Variants in PPP1CB observed in about 807,000 individuals in gnomAD.
The protein encoded by PPP1CB is protein phosphatase 1 catalytic subunit beta.
A neutral mutation model predicts 43.7 loss-of-function variants in PPP1CB; 2 were observed. The ratio of observed to expected loss-of-function variants is 0.05; its 90% CI spans 0.02 to 0.14. The LOEUF (loss-of-function observed/expected upper bound fraction) is 0.14. Ranked by LOEUF, PPP1CB falls within the 10% of genes least tolerant of loss-of-function variation. The pLI, the probability that PPP1CB is intolerant of heterozygous loss-of-function variation, is 1.00. For synonymous variants in PPP1CB, 136 were observed against 135.6 expected (o/e 1.00, Z -0.02); for missense variants, 84 against 398.0 (o/e 0.21, Z 6.71).
Position 28,766,460 on chromosome 2 carries a change from CTAAG to C in PPP1CB, c.53-10388_53-10385del, listed in dbSNP as rs1418681359. ...TCTCAGACTTTGTAAAATAGTCCAA[CTAAG>C]TATTTTTCTACTTTACCATCATCAG... On this transcript the variant is annotated intron_variant, in intron 1 of 7. Coordinates refer to ENST00000395366, the MANE Select transcript of PPP1CB (RefSeq NM_002709.3). Among the ~76,000 whole-genome samples the C allele has an allele frequency of 7.9e-5, 12 of 152,324 alleles. No homozygotes were observed. In the South Asian group the frequency reaches 2.5e-3, roughly 32 times the overall value.
intron 3 of PPP1CB, among the ~76,000 whole-genome samples, chr2:28,780,017 G>A (rs551628691): frequency 6.6e-6 from 1 of 152,140 alleles, no homozygotes; most frequent in South Asian, 2.1e-4. Flanking sequence ...GTGAAAAAAG[G>A]CTGTATCAGG....
At chr2:28,759,333 T>C (rs1310164057) in intron 1 of PPP1CB, among the ~76,000 whole-genome samples, 1 of 152,014 alleles carries the variant, frequency 6.6e-6, no homozygotes, top group Admixed American at 6.5e-5. Context: ...CTGGCCAACA[T>C]GGTGAAACCC....
Position 28,776,315 on chromosome 2 carries a change from T to G in PPP1CB, c.53-536T>G, listed in dbSNP as rs530027612. Reference sequence around the variant, plus strand: ...CTCGCTCTTGTTGCCCAGGCTGGAGTGCAATGGGGCGATCTCAGCTCACTG... The same window carrying G: ...CTCGCTCTTGTTGCCCAGGCTGGAGGGCAATGGGGCGATCTCAGCTCACTG... On this transcript the variant is annotated intron_variant, in intron 1 of 7. Transcript: ENST00000395366. Among the ~76,000 whole-genome samples, 4 of 151,776 alleles carry G rather than the reference T, an allele frequency of 2.6e-5. No homozygotes were observed. The East Asian group carries it at 5.8e-4, about 22-fold the overall frequency.
intron 7 of PPP1CB, 122 bp from the exon 8 acceptor site, chr2:28,799,077 C>T: frequency 3.1e-6 from 2 of 648,322 alleles, no homozygotes; most frequent in East Asian, 2.8e-5. Flanking sequence ...TGGAACTTTG[C>T]TATTCTACAT....
intron 1 of PPP1CB, among the ~76,000 whole-genome samples, chr2:28,776,521 A>G (rs1384605341): frequency 1.3e-5 from 2 of 152,064 alleles, no homozygotes; most frequent in African/African-American, 4.8e-5. Context: ...CAACCTCCCA[A>G]GGTGCTGGGA....
At chr2:28,783,672 G>A (rs896863499) in intron 4 of PPP1CB, among the ~76,000 whole-genome samples, 5 of 151,704 alleles carry the variant, frequency 3.3e-5, no homozygotes, top group Admixed American at 6.6e-5. Context: ...CAGGAGAATC[G>A]CTCGAACCCG....
At chr2:28,762,562 G>A (rs1666680798) in intron 1 of PPP1CB, among the ~76,000 whole-genome samples, 1 of 152,266 alleles carries the variant, frequency 6.6e-6, no homozygotes, top group East Asian at 1.9e-4. Flanking sequence ...CTAGATAATT[G>A]TGGGTATTCT....
intron 6 of PPP1CB, among the ~76,000 whole-genome samples, chr2:28,790,808 G>A (rs1667369121): frequency 1.3e-5 from 2 of 152,284 alleles, no homozygotes; most frequent in Admixed American, 6.5e-5. Flanking sequence ...ATAAACAAAT[G>A]TAGCAAAATC....
At chr2:28,756,911 TAC>T (rs1316139778) in intron 1 of PPP1CB, among the ~76,000 whole-genome samples, 1 of 152,200 alleles carries the variant, frequency 6.6e-6, no homozygotes, top group Admixed American at 6.5e-5. Context: ...TCACATACCA[TAC>T]AGTTTGCCTA....
At chr2:28,773,473 T>C (rs1666958101) in intron 1 of PPP1CB, among the ~76,000 whole-genome samples, 1 of 152,264 alleles carries the variant, frequency 6.6e-6, no homozygotes, top group African/African-American at 2.4e-5. Context: ...GAATAGCTTC[T>C]CTTTTCAGTT....
At chr2:28,753,598 C>G (rs1014567989) in intron 1 of PPP1CB, among the ~76,000 whole-genome samples, 2 of 152,250 alleles carry the variant, frequency 1.3e-5, no homozygotes, top group African/African-American at 4.8e-5. Flanking sequence ...ATGTGAACAT[C>G]TTGCTGGGTC....
intron 1 of PPP1CB, among the ~76,000 whole-genome samples, chr2:28,765,535 G>A (rs913024220): frequency 1.4e-4 from 22 of 152,222 alleles, no homozygotes; most frequent in Admixed American, 1.2e-3. Context: ...AAGAATGCTA[G>A]TTTGAGTTTG....
chr2:28,754,033 G>T (rs1559038434), intron 1 of PPP1CB, among the ~76,000 whole-genome samples: 1 of 152,094 alleles, frequency 6.6e-6, no homozygotes, highest in Non-Finnish European at 1.5e-5. Context: ...ATCGCGCCCG[G>T]CATATTTTTA....
intron 1 of PPP1CB, among the ~76,000 whole-genome samples, chr2:28,756,018 G>C (rs892439343): frequency 6.6e-6 from 1 of 152,126 alleles, no homozygotes; most frequent in African/African-American, 2.4e-5. Flanking sequence ...TTTGTTTAAA[G>C]ATACTTAACA....
chr2:28,794,059 GT>G, intron 7 of PPP1CB, 62 bp downstream of exon 7: 1 of 1,410,386 alleles, frequency 7.1e-7, no homozygotes, highest in Non-Finnish European at 9.7e-7. Context: ...ATCAGAATTC[GT>G]TTTAGATTTG....
chr2:28,765,006 ATAAG>A (rs1285984577), intron 1 of PPP1CB, among the ~76,000 whole-genome samples: 13 of 152,318 alleles, frequency 8.5e-5, no homozygotes, highest in Admixed American at 6.5e-4. Flanking sequence ...AGAGGTAATG[ATAAG>A]TAAGAACTTG....
intron 1 of PPP1CB, among the ~76,000 whole-genome samples, chr2:28,773,690 G>A (rs1382369469): frequency 6.6e-6 from 1 of 152,084 alleles, no homozygotes; most frequent in Non-Finnish European, 1.5e-5. Context: ...GAAGTCTTGA[G>A]AGTACATAAA....
chr2:28,777,794 A>G (rs1316914194), intron 2 of PPP1CB, among the ~76,000 whole-genome samples: 1 of 152,192 alleles, frequency 6.6e-6, no homozygotes, highest in African/African-American at 2.4e-5. Context: ...CTGGGATTAC[A>G]GGTGTGAGCC....
chr2:28,763,988 A>G (rs960351466), intron 1 of PPP1CB, among the ~76,000 whole-genome samples: 2 of 152,006 alleles, frequency 1.3e-5, no homozygotes, highest in African/African-American at 4.8e-5. Flanking sequence ...GGCATGAGCC[A>G]CCATGCCCGG....
Sources: allele counts gnomAD v4.1 joint callset (sites outside exome capture counted in the v4.1 genomes callset), GRCh38; gene constraint gnomAD v4.1.1; transcripts MANE v1.5; gene names NCBI Gene and HGNC (gene_info 2026-07-23, HGNC 2026-07-21).